SLC25A18: variants seen among roughly 807,000 people sequenced by gnomAD.
The protein encoded by SLC25A18 is solute carrier family 25 member 18.
In SLC25A18, 24 loss-of-function variants were observed where a neutral mutation model predicts 31.1. That is an observed-to-expected ratio of 0.77 (90% CI 0.56 to 1.08). The LOEUF (loss-of-function observed/expected upper bound fraction) is 1.08. Ranked by LOEUF, SLC25A18 falls within the 50% of genes least tolerant of loss-of-function variation. SLC25A18 has a pLI of 0.00. For synonymous variants in SLC25A18, 173 were observed against 161.9 expected (o/e 1.07, Z -0.52); for missense variants, 371 against 418.5 (o/e 0.89, Z 0.99).
intron 6 of SLC25A18, 66 bp from the exon 7 acceptor site, chr22:17,583,350 G>A: frequency 6.3e-7 from 1 of 1,598,058 alleles, no homozygotes; most frequent in East Asian, 2.2e-5. Flanking sequence ...CCTCTCACAA[G>A]AGGGCAGCTG....
At position 17,563,621 on chromosome 22, in the gene SLC25A18, C is replaced by G. The variant is rs182382396; in HGVS notation, c.-356C>G. On this transcript the variant is annotated 5_prime_UTR_variant, in exon 1 of 11. Transcript: ENST00000327451. ...CCACGGGCTTTGCTTTGAGAAGGAACTGAGTAGGCAGTGAGAAGAGTCGAG... is the reference window on the plus strand; with the variant it reads ...CCACGGGCTTTGCTTTGAGAAGGAAGTGAGTAGGCAGTGAGAAGAGTCGAG... 6.2e-6 allele frequency: 6 copies of G among 972,062 alleles called. No homozygotes were observed. The Admixed American group carries it at 2.5e-4, about 40-fold the overall frequency. The allele number at this position is 972,062 out of a possible 1,614,324, so 60.2% of individuals were successfully genotyped here. A position where few individuals can be genotyped will look rare whatever the true frequency, so the allele number is the denominator to read the frequency against.
intron 2 of SLC25A18, among the ~76,000 whole-genome samples, chr22:17,574,997 A>G (rs5747236): frequency 0.15 from 22,647 of 151,810 alleles, 2,102 homozygotes; most frequent in Non-Finnish European, 0.21. Flanking sequence ...GATTACAGAC[A>G]TGCATCACCA....
chr22:17,585,662 T>A (rs1601338441), intron 7 of SLC25A18, among the ~76,000 whole-genome samples: 1 of 149,374 alleles, frequency 6.7e-6, no homozygotes. Flanking sequence ...TTTTTTTTTT[T>A]TTTTGAGGCA....
At chr22:17,588,644 C>T (rs2057622571) in intron 9 of SLC25A18, 1 of 151,182 alleles carries the variant, frequency 6.6e-6, no homozygotes, top group South Asian at 2.1e-4. Flanking sequence ...CACAAGACTT[C>T]ATCTCAAAAA....
chr22:17,580,127 C>T (rs971402524), intron 3 of SLC25A18, 163 bp downstream of exon 3: 11 of 604,668 alleles, frequency 1.8e-5, no homozygotes, highest in Middle Eastern at 2.6e-4. Flanking sequence ...GTGGCAAATA[C>T]GTACACACAA....
intron 3 of SLC25A18, chr22:17,580,637 T>A (rs2057347386): frequency 7.0e-6 from 7 of 1,003,790 alleles, no homozygotes; most frequent in African/African-American, 1.7e-5. Flanking sequence ...GAGGTCACAG[T>A]CAGGATGCAA....
intron 6 of SLC25A18, among the ~76,000 whole-genome samples, chr22:17,582,967 T>C (rs1418923012): frequency 6.6e-6 from 1 of 152,114 alleles, no homozygotes; most frequent in African/African-American, 2.4e-5. Flanking sequence ...CCCAGCACTT[T>C]AGGAGGTTGA....
chr22:17,571,326 T>C (rs535373026), intron 2 of SLC25A18, among the ~76,000 whole-genome samples: 109 of 152,202 alleles, frequency 7.2e-4, no homozygotes, highest in African/African-American at 2.5e-3. Flanking sequence ...GCCAAGGGAA[T>C]GGGACGTTTT....
intron 7 of SLC25A18, among the ~76,000 whole-genome samples, chr22:17,585,632 T>A (rs2057522296): frequency 7.1e-6 from 1 of 140,898 alleles, no homozygotes; most frequent in African/African-American, 2.7e-5. Flanking sequence ...TATTATTTAT[T>A]TTATTATTAT....
At chr22:17,585,964 T>G (rs2057539069) in intron 7 of SLC25A18, among the ~76,000 whole-genome samples, 1 of 151,964 alleles carries the variant, frequency 6.6e-6, no homozygotes, top group Admixed American at 6.6e-5. Context: ...CCTCACAACA[T>G]TTTAAATGTG....
At chr22:17,571,993 G>A (rs541937496) in intron 2 of SLC25A18, among the ~76,000 whole-genome samples, 1 of 151,904 alleles carries the variant, frequency 6.6e-6, no homozygotes, top group South Asian at 2.1e-4. Context: ...CTCTAGCCTG[G>A]GCAACAGAGC....
chr22:17,580,496 T>C, intron 3 of SLC25A18: 1 of 987,794 alleles, frequency 1.0e-6, no homozygotes, highest in South Asian at 4.7e-5. Context: ...GCTGACCGAC[T>C]TGAAGCCTTC....
intron 8 of SLC25A18, among the ~76,000 whole-genome samples, chr22:17,587,669 C>T (rs968223180): frequency 2.6e-5 from 4 of 152,210 alleles, no homozygotes; most frequent in African/African-American, 7.2e-5. Flanking sequence ...TTTCCCGCCT[C>T]GGACTTGCCT....
At chr22:17,575,722 T>C (rs994609429) in intron 2 of SLC25A18, among the ~76,000 whole-genome samples, 6 of 152,126 alleles carry the variant, frequency 3.9e-5, no homozygotes, top group Non-Finnish European at 7.4e-5. Context: ...TAGAATGGGG[T>C]ATGCTCACCC....
Position 17,580,619 on chromosome 22 carries a change from A to G in SLC25A18, c.21-418A>G, listed in dbSNP as rs922331136. On this transcript the variant is annotated intron_variant, in intron 3 of 10. Coordinates refer to ENST00000327451, the MANE Select transcript of SLC25A18 (RefSeq NM_031481.3). The stretch of plus-strand genomic sequence containing the variant: ...GTGAGTTCGACGGGAATGCAGGCCC[A>G]GAGAGGAGAGGTCACAGTCAGGATG... The G allele has an allele frequency of 6.0e-6, 6 of 997,376 alleles. No individual in the cohort carries two copies. In the South Asian group the frequency reaches 2.8e-4, roughly 46 times the overall value. 61.8% of individuals were successfully genotyped at this position (997,376 alleles called of 1,614,324 possible). A position where few individuals can be genotyped will look rare whatever the true frequency, so the allele number is the denominator to read the frequency against.
chr22:17,586,252 C>T (rs5992071), intron 7 of SLC25A18, among the ~76,000 whole-genome samples: 7,937 of 152,246 alleles, frequency 0.052, 320 homozygotes, highest in African/African-American at 0.12. Context: ...CGGTGGCTCA[C>T]GCCTGTAATC....
chr22:17,587,426 T>A, intron 8 of SLC25A18, 125 bp downstream of exon 8: 1 of 1,235,692 alleles, frequency 8.1e-7, no homozygotes. Flanking sequence ...AGCAAACGAT[T>A]TCCATGCTTC....
chr22:17,567,628 T>TGCCAGTGGATCTCCATTTTACC (rs2056970940), intron 1 of SLC25A18, among the ~76,000 whole-genome samples: 2 of 78,852 alleles, frequency 2.5e-5, no homozygotes, highest in Non-Finnish European at 5.0e-5. Flanking sequence ...TTAGACAATT[T>TGCCAGTGGATCTCCATTTTACC]GCCAGTGGAT....
chr22:17,585,644 A>ATTTTTTTTTT (rs1374922417), intron 7 of SLC25A18, among the ~76,000 whole-genome samples: 1 of 133,364 alleles, frequency 7.5e-6, no homozygotes, highest in African/African-American at 3.1e-5. Flanking sequence ...TATTATTATT[A>ATTTTTTTTTT]TTATTATTTT....
Sources: gnomAD v4.1 joint callset for allele counts (sites outside exome capture counted in the v4.1 genomes callset) on GRCh38, gnomAD v4.1.1 for gene constraint, MANE v1.5 for transcripts, NCBI Gene and HGNC (gene_info 2026-07-23, HGNC 2026-07-21) for gene names.